The following PATL2 variants were observed in gnomAD, a reference collection of about 807,000 sequenced individuals.
The protein encoded by PATL2 is protein PAT1 homolog 2.
In PATL2, 73 loss-of-function variants were observed where a neutral mutation model predicts 77.0. That is an observed-to-expected ratio of 0.95 (90% CI 0.78 to 1.15). The LOEUF is 1.15. PATL2 is among the 50% of genes most tolerant of loss of function. The pLI, the probability that PATL2 is intolerant of heterozygous loss-of-function variation, is 0.00. For synonymous variants in PATL2, 265 were observed against 257.1 expected (o/e 1.03, Z -0.29); for missense variants, 618 against 655.4 (o/e 0.94, Z 0.62).
intron 7 of PATL2, 44 bp from the exon 8 acceptor site, chr15:44,672,500 A>G (rs1010563390): frequency 6.6e-7 from 1 of 1,507,790 alleles, no homozygotes; most frequent in East Asian, 2.5e-5. Flanking sequence ...GGAAGCTCTC[A>G]GTTCTCTGCC....
At chr15:44,671,640 CTATT>C (rs1349167920) in intron 9 of PATL2, among the ~76,000 whole-genome samples, 2 of 152,156 alleles carry the variant, frequency 1.3e-5, no homozygotes, top group Non-Finnish European at 2.9e-5. Flanking sequence ...CTGAATCCCA[CTATT>C]TATAACATCC....
intron 14 of PATL2, 130 bp downstream of exon 14, chr15:44,668,850 G>T: frequency 1.7e-6 from 2 of 1,152,884 alleles, no homozygotes; most frequent in Non-Finnish European, 2.4e-6. Flanking sequence ...CCTGAGGGTG[G>T]CAAGGCCAGC....
At chr15:44,688,813 T>C (rs1361919122) in intron 3 of PATL2, among the ~76,000 whole-genome samples, 1 of 152,178 alleles carries the variant, frequency 6.6e-6, no homozygotes, top group African/African-American at 2.4e-5. Context: ...AAAGACTTCA[T>C]GACTAAAACA....
intron 14 of PATL2, 98 bp from the exon 15 acceptor site, chr15:44,668,580 C>A: frequency 6.9e-7 from 1 of 1,441,900 alleles, no homozygotes; most frequent in Non-Finnish European, 9.3e-7. Flanking sequence ...CTGTCTTTGG[C>A]ACGTCCTGGT....
At chr15:44,695,553 A>G (rs1034692947) in intron 3 of PATL2, among the ~76,000 whole-genome samples, 1 of 152,158 alleles carries the variant, frequency 6.6e-6, no homozygotes, top group African/African-American at 2.4e-5. Flanking sequence ...GCCCTACATA[A>G]ATCAGACACT....
intron 3 of PATL2, among the ~76,000 whole-genome samples, chr15:44,692,046 G>A (rs943976638): frequency 8.6e-5 from 13 of 151,940 alleles, no homozygotes; most frequent in African/African-American, 3.1e-4. Context: ...GAAATACTGT[G>A]AACACATGAA....
At position 44,673,229 on chromosome 15, in the gene PATL2, C is replaced by T. The variant is rs1360488782; in HGVS notation, c.446+6G>A. 2 of 1,551,154 alleles carry T rather than the reference C, an allele frequency of 1.3e-6. No individual in the cohort carries two copies. Among genetic ancestry groups the T allele is most frequent in the Non-Finnish European group, 1.7e-6 (2 of 1,146,894 alleles). On this transcript the variant is annotated splice_donor_region_variant and intron_variant, in intron 7 of 17. Transcript: ENST00000682850. ...GAGACCTCTGGGGAGAACCTCAAACCAGTACCTGAACCTAGGGGGCCACGA... is the reference window on the plus strand; with the variant it reads ...GAGACCTCTGGGGAGAACCTCAAACTAGTACCTGAACCTAGGGGGCCACGA...
chr15:44,669,903 C>G, intron 10 of PATL2, 29 bp from the exon 11 acceptor site: 1 of 1,551,044 alleles, frequency 6.4e-7, no homozygotes, highest in East Asian at 2.4e-5. Flanking sequence ...ACATTTCCTT[C>G]CCCCTCCCAC....
intron 3 of PATL2, among the ~76,000 whole-genome samples, chr15:44,684,758 T>C (rs1015263273): frequency 5.3e-5 from 8 of 152,098 alleles, no homozygotes; most frequent in African/African-American, 1.9e-4. Flanking sequence ...ACCACGAAGA[T>C]ATTCCTCGAG....
intron 5 of PATL2, chr15:44,674,775 T>G (rs2085870836): frequency 6.6e-6 from 1 of 151,984 alleles, no homozygotes; most frequent in African/African-American, 2.4e-5. Context: ...AGCGACAGGG[T>G]CTTGCTTTGT....
At chr15:44,683,930 C>T (rs1424790606) in intron 3 of PATL2, among the ~76,000 whole-genome samples, 2 of 152,140 alleles carry the variant, frequency 1.3e-5, no homozygotes, top group Non-Finnish European at 2.9e-5. Context: ...TCTGCAGTCT[C>T]CGCTGGTGAT....
At chr15:44,671,933 G>A (rs944372787) in intron 9 of PATL2, 82 bp downstream of exon 9, 117 of 1,491,096 alleles carry the variant, frequency 7.8e-5, no homozygotes, top group Middle Eastern at 4.2e-4. Context: ...TCTATGAGCC[G>A]AAGAGAGGAT....
chr15:44,674,731 C>T (rs1411982117), intron 5 of PATL2: 1 of 151,942 alleles, frequency 6.6e-6, no homozygotes, highest in African/African-American at 2.4e-5. Flanking sequence ...CCATATCTGG[C>T]TAATTTTTGA....
At chr15:44,701,256 GT>G (rs200819803) in intron 3 of PATL2, among the ~76,000 whole-genome samples, 92 of 143,750 alleles carry the variant, frequency 6.4e-4, no homozygotes, top group South Asian at 6.6e-4. Context: ...TTTGCCTGTA[GT>G]TTTTTTTTTT....
chr15:44,678,208 A>G (rs2086037397), intron 3 of PATL2, among the ~76,000 whole-genome samples: 1 of 152,152 alleles, frequency 6.6e-6, no homozygotes, highest in South Asian at 2.1e-4. Flanking sequence ...ACTTCCTAAT[A>G]ACGTACTTTA....
At position 44,672,125 on chromosome 15, in the gene PATL2, GC is replaced by G; in HGVS notation, c.546del (p.Gln182HisfsTer9). Reference protein sequence around the residue: ...SPPAKKPWSQQPDPYANLMTR... With the variant: ...SPPAKKPWSQXPDPYANLMTR... ...GTCATGAGGTTAGCATAGGGGTCTG[GC>G]TGCTGAGACCAAGGCTTCTTGGCTG... On this transcript the variant is annotated frameshift_variant, in exon 9 of 18. Coordinates refer to ENST00000682850, the MANE Select transcript of PATL2 (RefSeq NM_001387263.1). LOFTEE classifies it high-confidence loss of function. 6.4e-7 allele frequency: 1 copy of G among 1,551,680 alleles called. No homozygotes were observed. The highest frequency in any genetic ancestry group is 8.7e-7 in the Non-Finnish European group (1 of 1,146,986).
intron 9 of PATL2, among the ~76,000 whole-genome samples, chr15:44,671,639 A>G (rs1274958340): frequency 6.6e-6 from 1 of 152,204 alleles, no homozygotes; most frequent in African/African-American, 2.4e-5. Context: ...ACTGAATCCC[A>G]CTATTTATAA....
chr15:44,666,454 T>G lies in PATL2; in HGVS notation c.1551A>C (p.Leu517=). ...LAEPLAFPSN[L]LPLFCHHVDK... ...CCACGTGGTGACAGAACAGGGGAAGTAGGTTGCTGGGGAAAGCTAGGGGTT... is the reference window on the plus strand; with the variant it reads ...CCACGTGGTGACAGAACAGGGGAAGGAGGTTGCTGGGGAAAGCTAGGGGTT... The change falls in exon 17 of 18, where the codon CTA becomes CTC. Residue 517 remains leucine (L), a synonymous_variant. Coordinates refer to ENST00000682850, the MANE Select transcript of PATL2 (RefSeq NM_001387263.1). 1 of 1,551,638 alleles carries G rather than the reference T, an allele frequency of 6.4e-7. No homozygotes were observed. The highest frequency in any genetic ancestry group is 1.2e-5 in the South Asian group (1 of 84,050).
Position 44,669,764 on chromosome 15 carries a change from A to G in PATL2, c.876+13T>C. On this transcript the variant is annotated intron_variant, in intron 11 of 17. Coordinates refer to ENST00000682850, the MANE Select transcript of PATL2 (RefSeq NM_001387263.1). ...AGGGGAGAGAAAAATGTCTGGGAAG[A>G]TAGTGCTCCCACCTGCTCTTGAGTT... is the stretch of plus-strand genomic sequence containing the variant. 1 of 1,551,348 alleles carries G rather than the reference A, an allele frequency of 6.4e-7. No individual in the cohort carries two copies.
Sources: gnomAD v4.1 joint callset for allele counts (sites outside exome capture counted in the v4.1 genomes callset) on GRCh38, gnomAD v4.1.1 for gene constraint, MANE v1.5 for transcripts, NCBI Gene and HGNC (gene_info 2026-07-23, HGNC 2026-07-21) for gene names.